MRPL27: variants seen among roughly 807,000 people sequenced by gnomAD.
MRPL27 encodes the protein mitochondrial ribosomal protein L27.
In MRPL27, 4 loss-of-function variants were observed where a neutral mutation model predicts 14.6. The ratio of observed to expected loss-of-function variants is 0.27; its 90% CI spans 0.14 to 0.63. The LOEUF (loss-of-function observed/expected upper bound fraction) is 0.63. Ranked by LOEUF, MRPL27 falls within the 20% of genes least tolerant of loss-of-function variation. The pLI is 0.85. For synonymous variants in MRPL27, 82 were observed against 75.5 expected (o/e 1.09, Z -0.45); for missense variants, 196 against 192.8 (o/e 1.02, Z -0.10).
At position 50,370,051 on chromosome 17, in the gene MRPL27, C is replaced by A. The variant is rs763878672; in HGVS notation, c.221G>T (p.Arg74Leu). 1.9e-6 allele frequency: 3 copies of A among 1,613,508 alleles called. No homozygotes were observed. The South Asian group carries it at 3.3e-5, about 18-fold the overall frequency. Residue 74 changes from arginine (R) to leucine (L), a missense_variant, in exon 3 of 4, where the codon CGC (arginine) becomes CTC (leucine). Arg to Leu is a moderately radical substitution (Grantham distance 102). Transcript: ENST00000225969. ...ACTCACATGGGCACCTGGGTGCCAG[C>A]GGAAATGGCGCTGTGTTGCAATGAT... ...GNIIATQRHF[R>L]WHPGAHVGVG... is the part of the protein sequence containing the mutation.
chr17:50,369,915 G>T (rs1385541541), intron 3 of MRPL27, 117 bp downstream of exon 3: 3 of 1,145,838 alleles, frequency 2.6e-6, no homozygotes, highest in Middle Eastern at 1.9e-4. Context: ...ATGGGAATCA[G>T]CACAATGCTT....
chr17:50,370,165 A>T, intron 2 of MRPL27, 66 bp from the exon 3 acceptor site: 1 of 1,486,802 alleles, frequency 6.7e-7, no homozygotes, highest in East Asian at 2.3e-5. Flanking sequence ...GATGGCCCAA[A>T]TGCTGCACAC....
chr17:50,370,772 G>T, intron 1 of MRPL27, 186 bp from the exon 2 acceptor site: 1 of 676,360 alleles, frequency 1.5e-6, no homozygotes, highest in Non-Finnish European at 2.4e-6. Context: ...CCTTTTGGGG[G>T]AGGGGGCGGG....
intron 1 of MRPL27, among the ~76,000 whole-genome samples, chr17:50,371,761 G>C (rs1023019620): frequency 4.6e-5 from 7 of 152,244 alleles, no homozygotes; most frequent in South Asian, 2.1e-4. Context: ...CATGCCCGGC[G>C]CCAGGATCTA....
chr17:50,373,141 G>T lies in MRPL27; in HGVS notation c.30C>A (p.Thr10=). The T allele has an allele frequency of 6.2e-7, 1 of 1,614,098 alleles. No homozygotes were observed. Among genetic ancestry groups the T allele is most frequent in the South Asian group, 1.1e-5 (1 of 91,068 alleles). ...ACTGCGTCCCATTACCGGCTGTCCG[G>T]GTCCTCAGCGCCAACACCACCGACG... The part of the protein sequence containing the change: MASVVLALR[T]RTAVTSLLSP... The change falls in exon 1 of 4, where the codon ACC becomes ACA. Residue 10 remains threonine, a synonymous_variant. Coordinates refer to ENST00000225969, the MANE Select transcript of MRPL27 (RefSeq NM_016504.3).
At chr17:50,372,913 C>A (rs1339074548) in intron 1 of MRPL27, 2 of 619,960 alleles carry the variant, frequency 3.2e-6, no homozygotes, top group Admixed American at 3.1e-5. Context: ...GCTGCTGAGG[C>A]AGGAGAAAGA....
chr17:50,370,392 G>A, intron 2 of MRPL27, 63 bp downstream of exon 2: 1 of 1,609,248 alleles, frequency 6.2e-7, no homozygotes. Flanking sequence ...GGGTTCTTCT[G>A]CTCTCCTAAG....
intron 3 of MRPL27, chr17:50,368,700 T>C: frequency 1.7e-6 from 1 of 601,606 alleles, no homozygotes; most frequent in Non-Finnish European, 2.9e-6. Context: ...TAGATAGTGA[T>C]CTATAAAGTT....
intron 3 of MRPL27, 65 bp downstream of exon 3, chr17:50,369,967 T>A: frequency 6.5e-7 from 1 of 1,546,660 alleles, no homozygotes; most frequent in Non-Finnish European, 8.9e-7. Context: ...GTTATTACCA[T>A]GCTTAGGGGC....
intron 1 of MRPL27, among the ~76,000 whole-genome samples, chr17:50,372,420 A>AT (rs1312241455): frequency 1.3e-5 from 2 of 151,990 alleles, no homozygotes; most frequent in Non-Finnish European, 2.9e-5. Context: ...TAATTTTTGT[A>AT]TTTTTTGTAG....
chr17:50,369,289 A>G (rs1913055778), intron 3 of MRPL27: 1 of 167,244 alleles, frequency 6.0e-6, no homozygotes, highest in Non-Finnish European at 1.3e-5. Context: ...TAAAAGGTAA[A>G]AAGCTACTAC....
intron 3 of MRPL27, 114 bp downstream of exon 3, chr17:50,369,918 C>A: frequency 1.7e-6 from 2 of 1,175,538 alleles, no homozygotes; most frequent in Non-Finnish European, 2.5e-6. Context: ...GGAATCAGCA[C>A]AATGCTTGCC....
chr17:50,369,910 A>T, intron 3 of MRPL27, 122 bp downstream of exon 3: 1 of 1,079,698 alleles, frequency 9.3e-7, no homozygotes, highest in South Asian at 1.3e-5. Flanking sequence ...TAGGCATGGG[A>T]ATCAGCACAA....
chr17:50,369,804 G>C, intron 3 of MRPL27: 1 of 598,222 alleles, frequency 1.7e-6, no homozygotes. Context: ...CAGACCTGGT[G>C]CAAATCCCAG....
chr17:50,367,926 G>C lies in MRPL27; in HGVS notation c.*166C>G, dbSNP rs534724391. On this transcript the variant is annotated 3_prime_UTR_variant, in exon 4 of 4. Transcript: ENST00000225969. ...CACTTTATTTTTGGCCCCAGGTCAG[G>C]TCTCCCAAAGGGTTTCCCAGCAGTC... 2.8e-6 allele frequency: 2 copies of C among 726,350 alleles called. No individual in the cohort carries two copies. Among genetic ancestry groups the C allele is most frequent in the East Asian group, 2.7e-5 (1 of 36,878 alleles). 45.0% of individuals were successfully genotyped at this position (726,350 alleles called of 1,614,324 possible).
chr17:50,370,133 T>C (rs375754972), intron 2 of MRPL27, 34 bp from the exon 3 acceptor site: 1 of 1,577,240 alleles, frequency 6.3e-7, no homozygotes. Flanking sequence ...TGGGGCAGCA[T>C]AGCAAACTAC....
chr17:50,370,778 G>A, intron 1 of MRPL27, 192 bp from the exon 2 acceptor site: 2 of 632,582 alleles, frequency 3.2e-6, no homozygotes, highest in African/African-American at 1.8e-5. Context: ...GGGGGAGGGG[G>A]CGGGGGAGCA....
chr17:50,371,712 G>A (rs528037610), intron 1 of MRPL27, among the ~76,000 whole-genome samples: 1 of 152,298 alleles, frequency 6.6e-6, no homozygotes, highest in East Asian at 1.9e-4. Context: ...CTGGGGCAAA[G>A]GACCAGAGAT....
rs1913014328 is a variant in MRPL27 at position 50,368,107 on chromosome 17, C to T, written c.432G>A (p.Leu144=). 1.2e-6 allele frequency: 2 copies of T among 1,614,176 alleles called. No individual in the cohort carries two copies. Among genetic ancestry groups the T allele is most frequent in the South Asian group, 1.1e-5 (1 of 91,088 alleles). ...CAACAGGACATCAAAGCATAGCTAC[C>T]AGTTTGAAGGTGCCCTCAGGCTTGG... is the stretch of plus-strand genomic sequence containing the variant. ...VPAKPEGTFK[L]VAML The change falls in exon 4 of 4, where the codon CTG becomes CTA. Residue 144 remains leucine, a synonymous_variant. Coordinates refer to ENST00000225969, the MANE Select transcript of MRPL27 (RefSeq NM_016504.3).
Sources: allele counts gnomAD v4.1 joint callset (sites outside exome capture counted in the v4.1 genomes callset), GRCh38; gene constraint gnomAD v4.1.1; transcripts MANE v1.5; gene names NCBI Gene and HGNC (gene_info 2026-07-23, HGNC 2026-07-21).